CEPT1: variants seen among roughly 807,000 people sequenced by gnomAD.
CEPT1 encodes choline/ethanolaminephosphotransferase 1.
CEPT1 carries 7 observed loss-of-function variants against 42.6 expected under a neutral mutation model. That is an observed-to-expected ratio of 0.16 (90% CI 0.09 to 0.31). The LOEUF (loss-of-function observed/expected upper bound fraction) is 0.31. Ranked by LOEUF, CEPT1 falls within the 10% of genes least tolerant of loss-of-function variation. CEPT1 has a pLI of 1.00. For missense variants in CEPT1, 306 were observed against 502.1 expected, an observed-to-expected ratio of 0.61 and a Z score of 3.73; for synonymous variants, 171 against 171.9, an observed-to-expected ratio of 0.99 and a Z score of 0.04.
chr1:111,144,633 A>G (rs1341756942), intron 1 of CEPT1, among the ~76,000 whole-genome samples: 1 of 152,256 alleles, frequency 6.6e-6, no homozygotes, highest in Non-Finnish European at 1.5e-5. Context: ...TCAGTTGCTT[A>G]TAGCTATTTA....
chr1:111,168,008 C>T (rs567369039), intron 4 of CEPT1: 35 of 168,320 alleles, frequency 2.1e-4, no homozygotes, highest in Admixed American at 3.9e-4. Context: ...CTCCTCTCAC[C>T]TCACCTTTCT....
At chr1:111,141,731 CTT>C (rs1270153057) in intron 1 of CEPT1, among the ~76,000 whole-genome samples, 1 of 152,134 alleles carries the variant, frequency 6.6e-6, no homozygotes, top group Admixed American at 6.5e-5. Context: ...GCTGAAAAGG[CTT>C]TTGTTTTTGT....
At chr1:111,145,719 C>G (rs144232145) in intron 1 of CEPT1, among the ~76,000 whole-genome samples, 1 of 152,122 alleles carries the variant, frequency 6.6e-6, no homozygotes, top group Non-Finnish European at 1.5e-5. Context: ...TAGCCATGGC[C>G]GGGTCTCAGT....
rs1341330122 is a variant in CEPT1 at position 111,184,502 on chromosome 1, T to C, written c.*192T>C. On this transcript the variant is annotated 3_prime_UTR_variant, in exon 9 of 9. Transcript: ENST00000357172. ...GAATTTCAAGTCCCATCTTGTAAAT[T>C]GTATATGTTGTCATGCAGGGTTTGG... 1 of 456,362 alleles carries C rather than the reference T, an allele frequency of 2.2e-6. No individual in the cohort carries two copies. Among genetic ancestry groups the C allele is most frequent in the Non-Finnish European group, 3.8e-6 (1 of 259,810 alleles). 28.3% of individuals were successfully genotyped at this position (456,362 alleles called of 1,614,324 possible).
In CEPT1 at chr1:111,147,791, G is replaced by C; in HGVS notation, c.77G>C (p.Ser26Thr). Reference protein sequence around the residue: ...PESPVGFGHMSTTGCVLNKLF... With the variant: ...PESPVGFGHMTTTGCVLNKLF... ...TCCCCAGTGGGCTTCGGGCATATGA[G>C]TACTACAGGATGTGTATTAAATAAA... Residue 26 changes from serine to threonine, a missense_variant, in exon 2 of 9, where the codon AGT (serine) becomes ACT (threonine). Around this residue, in one of 2 missense-constraint regions of CEPT1, gnomAD observed 53 missense variants for 54.8 expected, o/e 0.97. Coordinates refer to ENST00000357172, the MANE Select transcript of CEPT1 (RefSeq NM_006090.5). The C allele has an allele frequency of 1.9e-6, 3 of 1,614,088 alleles. No homozygotes were observed. The highest frequency in any genetic ancestry group is 2.5e-6 in the Non-Finnish European group (3 of 1,180,012).
chr1:111,161,772 C>A (rs1306831738), intron 4 of CEPT1, among the ~76,000 whole-genome samples: 1 of 152,188 alleles, frequency 6.6e-6, no homozygotes, highest in Non-Finnish European at 1.5e-5. Flanking sequence ...GTTATTATCT[C>A]ACAGTTCACT....
intron 8 of CEPT1, 103 bp downstream of exon 8, chr1:111,183,690 A>G (rs1657109629): frequency 8.7e-7 from 1 of 1,145,170 alleles, no homozygotes; most frequent in Non-Finnish European, 1.3e-6. Context: ...TATAATTGTA[A>G]TGATTTGGAA....
chr1:111,172,183 A>G (rs1488420905), intron 4 of CEPT1, among the ~76,000 whole-genome samples: 1 of 152,162 alleles, frequency 6.6e-6, no homozygotes, highest in Non-Finnish European at 1.5e-5. Context: ...TTGTTTTCCC[A>G]TATGTTTTGT....
intron 2 of CEPT1, 55 bp from the exon 3 acceptor site, chr1:111,159,325 C>G: frequency 6.5e-7 from 1 of 1,550,144 alleles, no homozygotes; most frequent in South Asian, 1.2e-5. Flanking sequence ...ATATGTTAGT[C>G]AAACATGGTA....
intron 3 of CEPT1, chr1:111,160,386 T>TA (rs1655805264): frequency 6.6e-6 from 1 of 152,218 alleles, no homozygotes; most frequent in Non-Finnish European, 1.5e-5. Flanking sequence ...TTAAAATATT[T>TA]AAAAAGAAAC....
At chr1:111,168,615 A>G (rs897961664) in intron 4 of CEPT1, among the ~76,000 whole-genome samples, 1 of 152,002 alleles carries the variant, frequency 6.6e-6, no homozygotes, top group Non-Finnish European at 1.5e-5. Context: ...CAGCCTCCCA[A>G]GTAGCTGTCA....
rs1204892007 is a variant in CEPT1 at position 111,184,611 on chromosome 1, G to A, written c.*301G>A. 4 of 201,966 alleles carry A rather than the reference G, an allele frequency of 2.0e-5. No individual in the cohort carries two copies. Among genetic ancestry groups the A allele is most frequent in the South Asian group, 9.9e-5 (1 of 10,072 alleles). The allele number at this position is 201,966 out of a possible 1,614,324, so 12.5% of individuals were successfully genotyped here. A position where few individuals can be genotyped will look rare whatever the true frequency, so the allele number is the denominator to read the frequency against. On this transcript the variant is annotated 3_prime_UTR_variant, in exon 9 of 9. Coordinates refer to ENST00000357172, the MANE Select transcript of CEPT1 (RefSeq NM_006090.5). Reference sequence around the variant, plus strand: ...AATACTGTGATGGGGAGCCAGATCCGCAGTGGTGGAGAGTTCTAATGTTGA... The same window carrying A: ...AATACTGTGATGGGGAGCCAGATCCACAGTGGTGGAGAGTTCTAATGTTGA...
Position 111,184,189 on chromosome 1 carries a change from A to G in CEPT1, c.1132-2A>G, listed in dbSNP as rs1657140376. On this transcript the variant is annotated splice_acceptor_variant, in intron 8 of 8. Transcript: ENST00000357172. LOFTEE classifies it high-confidence loss of function. ...TGCTGAGAATGTCTCTTTTCTTTCC[A>G]GGTTTTCTCTTTCTTTGATTTGATC... 6.2e-7 allele frequency: 1 copy of G among 1,613,028 alleles called. No homozygotes were observed. The highest frequency in any genetic ancestry group is 8.5e-7 in the Non-Finnish European group (1 of 1,179,374).
Position 111,159,555 on chromosome 1 carries a change from ATTAT to A in CEPT1, c.487+30_487+33del, listed in dbSNP as rs779710003. 8 of 1,578,194 alleles carry A rather than the reference ATTAT, an allele frequency of 5.1e-6. No homozygotes were observed. In the South Asian group the frequency reaches 9.2e-5, roughly 18 times the overall value. On this transcript the variant is annotated intron_variant, in intron 3 of 8. Coordinates refer to ENST00000357172, the MANE Select transcript of CEPT1 (RefSeq NM_006090.5). ...ATTGTTGATTTTTTTAATGTTATTG[ATTAT>A]TAACAATGGTTAAACCAGTGTGCTA... is the stretch of plus-strand genomic sequence containing the variant.
chr1:111,183,738 C>T (rs1657113447), intron 8 of CEPT1, 151 bp downstream of exon 8: 1 of 845,082 alleles, frequency 1.2e-6, no homozygotes, highest in East Asian at 2.5e-5. Context: ...TGTGAGAGTT[C>T]TATGGCTTTA....
chr1:111,178,655 G>T (rs1467437813), intron 5 of CEPT1: 1 of 151,870 alleles, frequency 6.6e-6, no homozygotes, highest in Non-Finnish European at 1.5e-5. Context: ...TTCTTATTTG[G>T]AAGAGACTTA....
intron 4 of CEPT1, among the ~76,000 whole-genome samples, chr1:111,171,230 C>G (rs1479806896): frequency 6.6e-6 from 1 of 152,126 alleles, no homozygotes; most frequent in East Asian, 1.9e-4. Flanking sequence ...AGAAATTTTT[C>G]TCATAGTTAG....
At chr1:111,140,553 T>C (rs552354938) in intron 1 of CEPT1, 1 of 152,270 alleles carries the variant, frequency 6.6e-6, no homozygotes, top group East Asian at 1.9e-4. Flanking sequence ...TGTGGAGACA[T>C]TGGGGTGGCG....
At position 111,147,856 on chromosome 1, in the gene CEPT1, C is replaced by T; in HGVS notation, c.142C>T (p.Leu48=). 4 of 1,614,162 alleles carry T rather than the reference C, an allele frequency of 2.5e-6. No individual in the cohort carries two copies. Among genetic ancestry groups the T allele is most frequent in the Non-Finnish European group, 3.4e-6 (4 of 1,180,012 alleles). The change falls in exon 2 of 9, where the codon CTA becomes TTA. Residue 48 remains leucine, a synonymous_variant. Transcript: ENST00000357172. ...AACACCACCATTGTCAAGACACCAA[C>T]TAAAGCGGCTAGAAGAACACAGATA... is the stretch of plus-strand genomic sequence containing the variant. The part of the protein sequence containing the change: ...LPTPPLSRHQ[L]KRLEEHRYQS...
Sources: gnomAD v4.1 joint callset for allele counts (sites outside exome capture counted in the v4.1 genomes callset) on GRCh38, gnomAD v4.1.1 for gene constraint, gnomAD v4.1.1 regional missense constraint, MANE v1.5 for transcripts, NCBI Gene and HGNC (gene_info 2026-07-23, HGNC 2026-07-21) for gene names.